Variants in GTF2H5 observed in about 807,000 individuals in gnomAD.
GTF2H5 encodes the protein general transcription factor IIH subunit 5.
Under a neutral mutation model 7.1 loss-of-function variants are expected in GTF2H5, and 5 were observed. The observed-to-expected ratio is 0.71, with a 90% CI of 0.37 to 1.49. The LOEUF is 1.49. Among genes scored for constraint, GTF2H5 ranks in the 40% most tolerant of loss-of-function variants. The pLI is 0.03. For missense variants in GTF2H5, 80 were observed against 83.0 expected, an observed-to-expected ratio of 0.96 and a Z score of 0.14; for synonymous variants, 30 against 31.7, an observed-to-expected ratio of 0.95 and a Z score of 0.18.
Position 158,169,667 on chromosome 6 carries a change from GTATATTA to G in GTF2H5, c.-34-798_-34-792del, listed in dbSNP as rs1192723166. Among the ~76,000 whole-genome samples the G allele has an allele frequency of 1.0e-3, 52 of 51,200 alleles. 3 individuals carry two copies. Among genetic ancestry groups the G allele is most frequent in the Middle Eastern group, 0.016 (2 of 128 alleles). The allele number at this position is 51,200 out of a possible 152,430, so 33.6% of individuals were successfully genotyped here. On this transcript the variant is annotated intron_variant, in intron 1 of 2. Coordinates refer to ENST00000607778, the MANE Select transcript of GTF2H5 (RefSeq NM_207118.3). ...TATTGTATATTACATATAATATATT[GTATATTA>G]TATAATATATAATATATATTATATA...
At chr6:158,190,772 TTA>T (rs1777013634) in intron 2 of GTF2H5, 1 of 374,670 alleles carries the variant, frequency 2.7e-6, no homozygotes, top group African/African-American at 2.1e-5. Context: ...CACCAAAAGA[TTA>T]TATGAGATTT....
chr6:158,169,699 A>AT (rs1188597359), intron 1 of GTF2H5, among the ~76,000 whole-genome samples: 1 of 88,374 alleles, frequency 1.1e-5, no homozygotes, highest in African/African-American at 4.9e-5. Context: ...TATATTATAT[A>AT]ATATATTGTA....
In GTF2H5 at chr6:158,169,408, A is replaced by G. The variant is rs1241970206; in HGVS notation, c.-35+1013A>G. On this transcript the variant is annotated intron_variant, in intron 1 of 2. Coordinates refer to ENST00000607778, the MANE Select transcript of GTF2H5 (RefSeq NM_207118.3). ...TATTATATATAATATTATATTGTAT[A>G]TTATATATTATATATAATATATTGT... Among the ~76,000 whole-genome samples the G allele has an allele frequency of 4.7e-5, 4 of 85,772 alleles. 1 individual carries two copies. The highest frequency in any genetic ancestry group is 7.9e-5 in the Non-Finnish European group (4 of 50,524). The allele number at this position is 85,772 out of a possible 152,430, so 56.3% of individuals were successfully genotyped here.
At chr6:158,191,359 A>C (rs1286292569) in intron 2 of GTF2H5, among the ~76,000 whole-genome samples, 1 of 152,222 alleles carries the variant, frequency 6.6e-6, no homozygotes, top group Non-Finnish European at 1.5e-5. Context: ...TCAGTTAAGA[A>C]AGCTGTGATT....
chr6:158,192,317 G>T lies in GTF2H5; in HGVS notation c.*160G>T. The T allele has an allele frequency of 3.3e-6, 2 of 603,066 alleles. No individual in the cohort carries two copies. The highest frequency in any genetic ancestry group is 2.9e-6 in the Non-Finnish European group (1 of 342,272). The allele number at this position is 603,066 out of a possible 1,614,324, so 37.4% of individuals were successfully genotyped here. ...TCATTTGTTCAGAAAAAAAGCCCCT[G>T]AACTGATTTTGTTACCATAGAATTT... On this transcript the variant is annotated 3_prime_UTR_variant, in exon 3 of 3. Transcript: ENST00000607778.
intron 2 of GTF2H5, among the ~76,000 whole-genome samples, chr6:158,177,246 A>G (rs879848331): frequency 1.3e-5 from 2 of 152,258 alleles, no homozygotes; most frequent in African/African-American, 2.4e-5. Flanking sequence ...TATGAGCAAG[A>G]TGTTTTAGAA....
chr6:158,172,397 C>T (rs1412538000), intron 2 of GTF2H5, among the ~76,000 whole-genome samples: 2 of 151,420 alleles, frequency 1.3e-5, no homozygotes, highest in African/African-American at 2.4e-5. Context: ...TGGATTCAAG[C>T]GATACTGCTG....
At chr6:158,169,907 C>T (rs1467469518) in intron 1 of GTF2H5, among the ~76,000 whole-genome samples, 2 of 148,100 alleles carry the variant, frequency 1.4e-5, no homozygotes, top group Non-Finnish European at 3.0e-5. Flanking sequence ...GTAGTCCCAG[C>T]TACTCGGGAG....
In GTF2H5 at chr6:158,197,765, CAAA is replaced by C. The variant is rs1777135417; in HGVS notation, c.*5611_*5613del. On this transcript the variant is annotated 3_prime_UTR_variant, in exon 3 of 3. Transcript: ENST00000607778. ...AGGGCAGTTTAGCTAGAATTTCTAT[CAAA>C]AATCATTAGGTATCCATCTCCCAGT... 2 of 152,030 alleles carry C rather than the reference CAAA, an allele frequency of 1.3e-5. No homozygotes were observed. Among genetic ancestry groups the C allele is most frequent in the Non-Finnish European group, 2.9e-5 (2 of 68,000 alleles). The allele number at this position is 152,030 out of a possible 1,614,324, so 9.4% of individuals were successfully genotyped here.
At chr6:158,185,037 G>GT (rs576676697) in intron 2 of GTF2H5, among the ~76,000 whole-genome samples, 44 of 147,012 alleles carry the variant, frequency 3.0e-4, no homozygotes, top group African/African-American at 9.2e-4. Flanking sequence ...TTTGGGTTTT[G>GT]TTTTTTTTTC....
intron 2 of GTF2H5, among the ~76,000 whole-genome samples, chr6:158,175,036 G>GTATATATA (rs1161216101): frequency 0.053 from 7,786 of 146,378 alleles, 708 homozygotes; most frequent in African/African-American, 0.19. Flanking sequence ...GTGTGTGTGT[G>GTATATATA]TGTGTGTGTA....
chr6:158,189,336 A>G (rs1583637927), intron 2 of GTF2H5, among the ~76,000 whole-genome samples: 2 of 151,934 alleles, frequency 1.3e-5, no homozygotes, highest in African/African-American at 4.8e-5. Flanking sequence ...AGACACCCCA[A>G]TCTGTCCTGA....
At chr6:158,191,642 C>G (rs934556051) in intron 2 of GTF2H5, among the ~76,000 whole-genome samples, 1 of 152,096 alleles carries the variant, frequency 6.6e-6, no homozygotes, top group African/African-American at 2.4e-5. Flanking sequence ...GCCACCACAC[C>G]CGGCTAATTT....
rs1409637004 is a variant in GTF2H5 at position 158,169,501 on chromosome 6, A to ATAATATACAGTATATT, written c.-34-969_-34-968insTAATATACAGTATATT. Among the ~76,000 whole-genome samples the ATAATATACAGTATATT allele has an allele frequency of 1.4e-4, 11 of 78,820 alleles. 1 individual carries two copies. Among genetic ancestry groups the ATAATATACAGTATATT allele is most frequent in the African/African-American group, 6.1e-4 (11 of 18,168 alleles). 51.7% of individuals were successfully genotyped at this position (78,820 alleles called of 152,430 possible). A position where few individuals can be genotyped will look rare whatever the true frequency, so the allele number is the denominator to read the frequency against. ...ATATATAATATATTGTATATTATATAATATATTGTATATTATATATAATAT... is the reference window on the plus strand; with the variant it reads ...ATATATAATATATTGTATATTATATATAATATACAGTATATTATATATTGTATATTATATATAATAT... On this transcript the variant is annotated intron_variant, in intron 1 of 2. Coordinates refer to ENST00000607778, the MANE Select transcript of GTF2H5 (RefSeq NM_207118.3).
chr6:158,179,201 C>A (rs539224036), intron 2 of GTF2H5, among the ~76,000 whole-genome samples: 1 of 152,254 alleles, frequency 6.6e-6, no homozygotes, highest in Admixed American at 6.5e-5. Context: ...TTCCATTGGT[C>A]TATATATCTG....
chr6:158,179,970 G>A (rs187369167), intron 2 of GTF2H5, among the ~76,000 whole-genome samples: 4 of 152,220 alleles, frequency 2.6e-5, no homozygotes, highest in African/African-American at 9.6e-5. Flanking sequence ...TATTGGCTGT[G>A]GGTTTGTCAT....
At chr6:158,190,580 C>A in intron 2 of GTF2H5, 3 of 407,992 alleles carry the variant, frequency 7.4e-6, no homozygotes, top group Non-Finnish European at 4.8e-6. Flanking sequence ...TGGTAAAACC[C>A]AAAGTCCCCC....
At chr6:158,190,937 G>A (rs9459642) in intron 2 of GTF2H5, 79,872 of 514,950 alleles carry the variant, frequency 0.16, 9,994 homozygotes, top group African/African-American at 0.49. Flanking sequence ...TGTACTGCCC[G>A]AGAAGAAATT....
chr6:158,185,456 C>T (rs1334602760), intron 2 of GTF2H5, among the ~76,000 whole-genome samples: 1 of 150,974 alleles, frequency 6.6e-6, no homozygotes, highest in Non-Finnish European at 1.5e-5. Context: ...GGGAGGATTA[C>T]CTCATCCCTA....
Sources: allele counts gnomAD v4.1 joint callset (sites outside exome capture counted in the v4.1 genomes callset), GRCh38; gene constraint gnomAD v4.1.1; transcripts MANE v1.5; gene names NCBI Gene and HGNC (gene_info 2026-07-23, HGNC 2026-07-21).